EPM2A: variants seen among roughly 807,000 people sequenced by gnomAD.
EPM2A encodes laforin.
A neutral mutation model predicts 26.5 loss-of-function variants in EPM2A; 21 were observed. The observed-to-expected ratio is 0.79, with a 90% confidence interval of 0.56 to 1.14. The LOEUF (loss-of-function observed/expected upper bound fraction) is 1.14, where lower values mean the gene tolerates loss of function less well. EPM2A is among the 50% of genes most tolerant of loss of function. The probability of loss-of-function intolerance (pLI) is 0.00; values close to 1 mark genes in which losing one functional copy is unlikely to be tolerated. For missense variants in EPM2A, 458 were observed against 440.8 expected, an observed-to-expected ratio of 1.04 and a Z score of -0.35; for synonymous variants, 217 against 177.6, an observed-to-expected ratio of 1.22 and a Z score of -1.76.
intron 4 of EPM2A, among the ~76,000 whole-genome samples, chr6:145,453,325 A>G (rs1297115060): frequency 6.6e-6 from 1 of 152,210 alleles, no homozygotes; most frequent in Non-Finnish European, 1.5e-5. Flanking sequence ...GGGGGAAAAA[A>G]GATTCTCATC....
At chr6:145,715,804 A>G (rs1363766242) in intron 1 of EPM2A, among the ~76,000 whole-genome samples, 1 of 152,186 alleles carries the variant, frequency 6.6e-6, no homozygotes, top group African/African-American at 2.4e-5. Flanking sequence ...TGTCTTCTCC[A>G]ACCCACAGAT....
chr6:145,486,103 C>T (rs1006770119), intron 4 of EPM2A, among the ~76,000 whole-genome samples: 2 of 152,170 alleles, frequency 1.3e-5, no homozygotes, highest in Non-Finnish European at 2.9e-5. Flanking sequence ...AGTTTCTAGG[C>T]ATCTACTAGT....
At chr6:145,696,809 GTGT>G (rs1781610695) in intron 1 of EPM2A, among the ~76,000 whole-genome samples, 1 of 150,658 alleles carries the variant, frequency 6.6e-6, no homozygotes, top group Non-Finnish European at 1.5e-5. Context: ...GTGTGTGTGT[GTGT>G]GTGTGTGTGT....
chr6:145,554,556 G>A (rs947864944), intron 2 of EPM2A, among the ~76,000 whole-genome samples: 3 of 152,040 alleles, frequency 2.0e-5, no homozygotes, highest in African/African-American at 7.2e-5. Context: ...CCACAGACTG[G>A]ATAATTAATA....
At chr6:145,671,646 G>C (rs1177331950) in intron 2 of EPM2A, among the ~76,000 whole-genome samples, 1 of 152,174 alleles carries the variant, frequency 6.6e-6, no homozygotes, top group African/African-American at 2.4e-5. Flanking sequence ...AAATGAGAGA[G>C]CTGAGGCTAG....
intron 4 of EPM2A, among the ~76,000 whole-genome samples, chr6:145,427,719 C>T (rs1394392825): frequency 6.6e-6 from 1 of 152,186 alleles, no homozygotes; most frequent in Non-Finnish European, 1.5e-5. Flanking sequence ...ACTGTCTTCT[C>T]ATCAGACTAT....
At chr6:145,553,924 C>T (rs1223905971) in intron 2 of EPM2A, among the ~76,000 whole-genome samples, 2 of 149,608 alleles carry the variant, frequency 1.3e-5, no homozygotes, top group Admixed American at 6.7e-5. Flanking sequence ...TTCACATTGG[C>T]ATGGGCAAAG....
At chr6:145,463,170 T>C (rs1779347295) in intron 4 of EPM2A, 1 of 151,638 alleles carries the variant, frequency 6.6e-6, no homozygotes, top group Non-Finnish European at 1.5e-5. Context: ...AACTTTTCTT[T>C]TTTCTTTTAT....
At chr6:145,699,368 G>C (rs1781790121) in intron 1 of EPM2A, among the ~76,000 whole-genome samples, 1 of 152,152 alleles carries the variant, frequency 6.6e-6, no homozygotes, top group African/African-American at 2.4e-5. Flanking sequence ...TGACTGAAAG[G>C]CTATGCTGAG....
intron 2 of EPM2A, among the ~76,000 whole-genome samples, chr6:145,673,575 T>C (rs1009254980): frequency 1.3e-5 from 2 of 152,202 alleles, no homozygotes; most frequent in Non-Finnish European, 1.5e-5. Flanking sequence ...TTCACTCAAA[T>C]ACTGCACTTT....
At chr6:145,656,433 G>A (rs1778289263) in intron 2 of EPM2A, among the ~76,000 whole-genome samples, 1 of 152,196 alleles carries the variant, frequency 6.6e-6, no homozygotes, top group Non-Finnish European at 1.5e-5. Context: ...AGAGCACCTA[G>A]ACCCTAGTGG....
chr6:145,654,531 T>A (rs1311849470), intron 2 of EPM2A, among the ~76,000 whole-genome samples: 2 of 152,186 alleles, frequency 1.3e-5, no homozygotes, highest in Non-Finnish European at 2.9e-5. Flanking sequence ...ACAAAAAAGT[T>A]TTGATCTGCC....
intron 2 of EPM2A, among the ~76,000 whole-genome samples, chr6:145,514,126 G>A (rs185618315): frequency 7.0e-4 from 107 of 152,264 alleles, no homozygotes; most frequent in African/African-American, 2.2e-3. Context: ...TAGTCACATG[G>A]TCCACCGTAA....
chr6:145,556,901 G>T (rs1780734659), intron 2 of EPM2A, among the ~76,000 whole-genome samples: 1 of 151,972 alleles, frequency 6.6e-6, no homozygotes, highest in South Asian at 2.1e-4. Context: ...AAGAAAATTT[G>T]GTGGTGTATA....
chr6:145,383,453 T>C (rs978783222), exon 5 of EPM2A: 1 of 152,210 alleles, frequency 6.6e-6, no homozygotes, highest in Non-Finnish European at 1.5e-5. Flanking sequence ...AGGAAACTTT[T>C]GATCATGGTG....
chr6:145,479,626 A>T (rs1462116082), intron 4 of EPM2A, among the ~76,000 whole-genome samples: 1 of 152,040 alleles, frequency 6.6e-6, no homozygotes, highest in Non-Finnish European at 1.5e-5. Context: ...TTATGGCTCT[A>T]TATGCCACAT....
At chr6:145,456,533 T>C (rs1779264741) in intron 4 of EPM2A, among the ~76,000 whole-genome samples, 1 of 152,100 alleles carries the variant, frequency 6.6e-6, no homozygotes, top group Non-Finnish European at 1.5e-5. Flanking sequence ...AAATCCAGAG[T>C]GTGCTCCTCC....
intron 4 of EPM2A, among the ~76,000 whole-genome samples, chr6:145,444,760 T>A (rs1190501877): frequency 6.6e-6 from 1 of 152,212 alleles, no homozygotes; most frequent in Non-Finnish European, 1.5e-5. Flanking sequence ...GTCTCATAAC[T>A]TTTTGTTTAG....
At chr6:145,670,712 T>C (rs1039918033) in intron 2 of EPM2A, among the ~76,000 whole-genome samples, 6 of 152,040 alleles carry the variant, frequency 3.9e-5, no homozygotes, top group Admixed American at 2.0e-4. Flanking sequence ...AATATAATGA[T>C]ATATATGAGA....
Sources: allele counts gnomAD v4.1 joint callset (sites outside exome capture counted in the v4.1 genomes callset), GRCh38; gene constraint gnomAD v4.1.1; transcripts MANE v1.5; gene names NCBI Gene and HGNC (gene_info 2026-07-23, HGNC 2026-07-21).